PDE3B: variants seen among roughly 807,000 people sequenced by gnomAD.
PDE3B encodes phosphodiesterase 3B, also known as cGMP-inhibited 3',5'-cyclic phosphodiesterase 3B.
PDE3B carries 66 observed loss-of-function variants against 116.8 expected under a neutral mutation model. The observed-to-expected ratio is 0.56, with a 90% CI of 0.46 to 0.69. The LOEUF is 0.69. PDE3B is among the 30% of genes least tolerant of loss of function. The pLI, the probability that PDE3B is intolerant of heterozygous loss-of-function variation, is 0.00. For synonymous variants in PDE3B, 595 were observed against 533.6 expected, an observed-to-expected ratio of 1.12 and a Z score of -1.59; for missense variants, 1,384 against 1,368.1, an observed-to-expected ratio of 1.01 and a Z score of -0.18.
At chr11:14,669,794 AG>A (rs1854310809) in intron 1 of PDE3B, among the ~76,000 whole-genome samples, 1 of 152,128 alleles carries the variant, frequency 6.6e-6, no homozygotes, top group South Asian at 2.1e-4. Context: ...CCTTTTAGGA[AG>A]AATCATGTAA....
At chr11:14,715,105 C>A in intron 1 of PDE3B, among the ~76,000 whole-genome samples, 1 of 151,626 alleles carries the variant, frequency 6.6e-6, no homozygotes. Flanking sequence ...ATTAAAGGTA[C>A]AATTATTAAA....
chr11:14,778,432 C>T (rs1010817570), intron 2 of PDE3B, among the ~76,000 whole-genome samples: 22 of 152,146 alleles, frequency 1.4e-4, no homozygotes, highest in Admixed American at 2.6e-4. Context: ...GGCTGACTGA[C>T]GCCTCATACG....
intron 1 of PDE3B, among the ~76,000 whole-genome samples, chr11:14,737,075 A>G (rs544177897): frequency 1.3e-5 from 2 of 152,356 alleles, no homozygotes; most frequent in African/African-American, 2.4e-5. Flanking sequence ...TATCTATTAC[A>G]TAGGCTCGTA....
chr11:14,676,974 T>G (rs1247293480), intron 1 of PDE3B, among the ~76,000 whole-genome samples: 2 of 152,156 alleles, frequency 1.3e-5, no homozygotes, highest in Admixed American at 6.6e-5. Flanking sequence ...AGTAATTTTT[T>G]GGGTATGAGG....
intron 2 of PDE3B, among the ~76,000 whole-genome samples, chr11:14,780,260 A>T (rs1373792799): frequency 6.6e-6 from 1 of 152,218 alleles, no homozygotes; most frequent in Non-Finnish European, 1.5e-5. Context: ...GATCAGTGAG[A>T]CAGAAAGTTC....
chr11:14,828,544 C>A (rs11023345), intron 7 of PDE3B, among the ~76,000 whole-genome samples: 18,161 of 152,134 alleles, frequency 0.12, 1,373 homozygotes, highest in African/African-American at 0.22. Flanking sequence ...ATATGGGCAA[C>A]AATCATATGA....
At chr11:14,719,151 C>G (rs2133839579) in intron 1 of PDE3B, among the ~76,000 whole-genome samples, 1 of 28,348 alleles carries the variant, frequency 3.5e-5, no homozygotes. Context: ...CACCTCTACG[C>G]AAATAAACTA....
intron 2 of PDE3B, among the ~76,000 whole-genome samples, chr11:14,785,765 G>T (rs1182567286): frequency 6.6e-6 from 1 of 151,568 alleles, no homozygotes; most frequent in Non-Finnish European, 1.5e-5. Context: ...CTGTCTGTGA[G>T]GTTTTTGTTA....
chr11:14,789,312 C>A, intron 4 of PDE3B, 70 bp downstream of exon 4: 1 of 1,210,114 alleles, frequency 8.3e-7, no homozygotes, highest in South Asian at 1.4e-5. Flanking sequence ...AATAATGTTT[C>A]AAATAGTTCT....
chr11:14,799,201 T>C (rs1286589752), intron 4 of PDE3B, among the ~76,000 whole-genome samples: 4 of 152,234 alleles, frequency 2.6e-5, no homozygotes, highest in Non-Finnish European at 5.9e-5. Context: ...CCAGTAGTCA[T>C]TCAGGAGCAG....
Position 14,644,328 on chromosome 11 carries a change from C to T in PDE3B, c.253C>T (p.Leu85=). The part of the protein sequence containing the change: ...FCRARLSLGA[L]AAFVLALLLG... ...CCGGGCGCGCCTCTCGCTGGGCGCC[C>T]TGGCTGCCTTTGTCCTCGCCCTGCT... is the stretch of plus-strand genomic sequence containing the variant. Residue 85 remains leucine, a synonymous_variant, in exon 1 of 16, where the codon CTG becomes TTG. Transcript: ENST00000282096. 1.3e-6 allele frequency: 2 copies of T among 1,574,028 alleles called. No homozygotes were observed. The highest frequency in any genetic ancestry group is 2.3e-5 in the South Asian group (2 of 87,406).
At chr11:14,699,338 A>G (rs1162864741) in intron 1 of PDE3B, 1 of 151,890 alleles carries the variant, frequency 6.6e-6, no homozygotes, top group Non-Finnish European at 1.5e-5. Context: ...AAAACTTCAT[A>G]CAAGGGAAAT....
intron 12 of PDE3B, among the ~76,000 whole-genome samples, chr11:14,855,670 A>G (rs192783878): frequency 1.3e-5 from 2 of 152,180 alleles, no homozygotes; most frequent in African/African-American, 4.8e-5. Flanking sequence ...AGAGACAGAG[A>G]CAGAGCAAGA....
intron 11 of PDE3B, among the ~76,000 whole-genome samples, chr11:14,842,236 C>T (rs909090376): frequency 6.6e-6 from 1 of 151,984 alleles, no homozygotes; most frequent in African/African-American, 2.4e-5. Flanking sequence ...TTTTCTGAAA[C>T]GAAGTGAATA....
At chr11:14,666,045 A>G (rs1854133115) in intron 1 of PDE3B, among the ~76,000 whole-genome samples, 1 of 152,118 alleles carries the variant, frequency 6.6e-6, no homozygotes, top group Non-Finnish European at 1.5e-5. Context: ...CTACAAGGCT[A>G]CACTAACCAA....
chr11:14,763,540 G>T (rs1857417077), intron 1 of PDE3B, among the ~76,000 whole-genome samples: 1 of 152,040 alleles, frequency 6.6e-6, no homozygotes. Flanking sequence ...ACTGCAGCAT[G>T]TTTATAATCT....
chr11:14,742,186 T>C (rs1856793824), intron 1 of PDE3B, among the ~76,000 whole-genome samples: 1 of 152,242 alleles, frequency 6.6e-6, no homozygotes, highest in Non-Finnish European at 1.5e-5. Flanking sequence ...AAGAGTGTTT[T>C]CCAACTTGGT....
At chr11:14,876,308 G>A (rs1848188677), downstream of PDE3B, among the ~76,000 whole-genome samples, 1 of 151,878 alleles carries the variant, frequency 6.6e-6, no homozygotes. Flanking sequence ...CTTGAGCCCA[G>A]GAGTTCAAGA....
intron 9 of PDE3B, among the ~76,000 whole-genome samples, chr11:14,832,184 T>C (rs571609923): frequency 6.0e-4 from 92 of 152,200 alleles, no homozygotes; most frequent in Non-Finnish European, 1.2e-3. Flanking sequence ...GAAAGTACTT[T>C]GATTTTACCA....
Sources: gnomAD v4.1 joint callset for allele counts (sites outside exome capture counted in the v4.1 genomes callset) on GRCh38, gnomAD v4.1.1 for gene constraint, MANE v1.5 for transcripts, NCBI Gene and HGNC (gene_info 2026-07-23, HGNC 2026-07-21) for gene names.